RP1: variants seen among roughly 807,000 people sequenced by gnomAD.
RP1 encodes the protein RP1 axonemal microtubule associated, also known as oxygen-regulated protein 1.
RP1 carries 16 observed loss-of-function variants against 14.8 expected under a neutral mutation model. The observed-to-expected ratio is 1.08, with a 90% CI of 0.73 to 1.65. The LOEUF is 1.65. Ranked by LOEUF, RP1 falls within the 40% of genes most tolerant of loss-of-function variation. RP1 has a pLI of 0.00. For synonymous variants in RP1, 876 were observed against 883.6 expected, an observed-to-expected ratio of 0.99 and a Z score of 0.15; for missense variants, 2,631 against 2,535.0, an observed-to-expected ratio of 1.04 and a Z score of -0.81.
Position 54,683,046 on chromosome 8 carries a change from T to G in RP1, c.1717+3113T>G, listed in dbSNP as rs374229459. Among the ~76,000 whole-genome samples the G allele has an allele frequency of 1.3e-3, 202 of 152,330 alleles. 1 individual carries two copies. The highest frequency in any genetic ancestry group is 4.6e-3 in the African/African-American group (193 of 41,584). On this transcript the variant is annotated intron_variant, in intron 12 of 22. Coordinates refer to the RP1 transcript ENST00000636932. Reference sequence around the variant, plus strand: ...AGTCAGTTTTCCCAACACCATTTGTTAAATAGGGAGTCCTTTTCCTATTGC... The same window carrying G: ...AGTCAGTTTTCCCAACACCATTTGTGAAATAGGGAGTCCTTTTCCTATTGC...
intron 1 of RP1, among the ~76,000 whole-genome samples, chr8:54,619,292 G>A (rs1052171870): frequency 6.6e-6 from 1 of 152,138 alleles, no homozygotes; most frequent in Non-Finnish European, 1.5e-5. Context: ...GGAGATATAT[G>A]AAGAATCTTG....
At chr8:54,673,656 T>C (rs1807229756) in intron 7 of RP1, among the ~76,000 whole-genome samples, 1 of 152,078 alleles carries the variant, frequency 6.6e-6, no homozygotes, top group Non-Finnish European at 1.5e-5. Flanking sequence ...AGGAGGATCA[T>C]TTGAGCCCGG....
chr8:54,582,694 A>G (rs1186440752), intron 1 of RP1, among the ~76,000 whole-genome samples: 1 of 152,068 alleles, frequency 6.6e-6, no homozygotes, highest in East Asian at 1.9e-4. Flanking sequence ...AGTGGTTTGT[A>G]GTTCTCCTTG....
chr8:54,819,205 C>A (rs1811200182), intron 24 of RP1, among the ~76,000 whole-genome samples: 1 of 151,920 alleles, frequency 6.6e-6, no homozygotes, highest in Non-Finnish European at 1.5e-5. Flanking sequence ...CCTTCACACT[C>A]ACTAATTCTT....
chr8:54,773,701 T>C (rs907338316), downstream of RP1, among the ~76,000 whole-genome samples: 5 of 152,104 alleles, frequency 3.3e-5, no homozygotes. Context: ...GTAAGAACCT[T>C]GTCCTCAGTC....
At chr8:54,755,706 G>T in exon 21 of RP1, 1 of 1,535,712 alleles carries the variant, frequency 6.5e-7, no homozygotes, top group East Asian at 2.4e-5. Context: ...TTTGGGGAGA[G>T]GGGAGACTCT....
At chr8:54,771,932 C>G (rs561297130), downstream of RP1, among the ~76,000 whole-genome samples, 10 of 152,008 alleles carry the variant, frequency 6.6e-5, no homozygotes, top group African/African-American at 2.2e-4. Flanking sequence ...GTCATTTATG[C>G]CCTTCTATGT....
intron 24 of RP1, among the ~76,000 whole-genome samples, chr8:54,832,095 A>C (rs1333652213): frequency 6.6e-6 from 1 of 151,584 alleles, no homozygotes; most frequent in Non-Finnish European, 1.5e-5. Flanking sequence ...TTTCCTTTTC[A>C]TCAGTTACTA....
intron 28 of RP1, among the ~76,000 whole-genome samples, chr8:54,866,094 C>T (rs746392255): frequency 1.3e-5 from 2 of 152,110 alleles, no homozygotes; most frequent in African/African-American, 2.4e-5. Flanking sequence ...GTAATTCTCT[C>T]TTCTTTTGTA....
rs1422415137 is a variant in RP1, at chr8:54,624,435, C to T, written c.788-235C>T. ...ATTCCAGCCTGGTGACAGAGCGAGACTCTGTCTCAAAAAAAAAAAAAAAAA... is the reference window on the plus strand; with the variant it reads ...ATTCCAGCCTGGTGACAGAGCGAGATTCTGTCTCAAAAAAAAAAAAAAAAA... On this transcript the variant is annotated intron_variant, in intron 3 of 3. Transcript: ENST00000220676. Among the ~76,000 whole-genome samples the T allele has an allele frequency of 9.1e-5, 9 of 98,738 alleles. No individual in the cohort carries two copies. In the Admixed American group the frequency reaches 1.3e-3, roughly 14 times the overall value. 64.8% of individuals were successfully genotyped at this position (98,738 alleles called of 152,430 possible).
At chr8:54,822,389 G>T (rs1811278235) in intron 24 of RP1, among the ~76,000 whole-genome samples, 1 of 152,070 alleles carries the variant, frequency 6.6e-6, no homozygotes, top group Non-Finnish European at 1.5e-5. Flanking sequence ...ATTCAGTATA[G>T]CATAGTTCTT....
chr8:54,853,766 A>AAGAAAGAGAGAAAGAC (rs373102351), intron 26 of RP1, among the ~76,000 whole-genome samples: 1 of 144,334 alleles, frequency 6.9e-6, no homozygotes, highest in Non-Finnish European at 1.5e-5. Flanking sequence ...GAGAGAAAGA[A>AAGAAAGAGAGAAAGAC]AGAGAAAGGA....
intron 24 of RP1, among the ~76,000 whole-genome samples, chr8:54,833,658 A>G (rs1811589801): frequency 6.6e-6 from 1 of 152,078 alleles, no homozygotes; most frequent in Non-Finnish European, 1.5e-5. Flanking sequence ...TTTGTTTTCC[A>G]ATAGAAATCA....
At chr8:54,820,298 A>G (rs1462739542) in intron 24 of RP1, among the ~76,000 whole-genome samples, 3 of 152,008 alleles carry the variant, frequency 2.0e-5, no homozygotes, top group Non-Finnish European at 4.4e-5. Flanking sequence ...CTTGTGTTGC[A>G]CTGGGTTGTA....
chr8:54,638,471 G>C (rs1324027476), intron 3 of RP1, among the ~76,000 whole-genome samples: 4 of 150,650 alleles, frequency 2.7e-5, no homozygotes, highest in Non-Finnish European at 5.9e-5. Flanking sequence ...TTATTCTCAT[G>C]TTTAATGGAT....
At chr8:54,746,943 G>A (rs1809239708) in intron 19 of RP1, among the ~76,000 whole-genome samples, 1 of 152,124 alleles carries the variant, frequency 6.6e-6, no homozygotes, top group Non-Finnish European at 1.5e-5. Flanking sequence ...GATGGTGTCA[G>A]TGTCTACCTA....
intron 7 of RP1, among the ~76,000 whole-genome samples, chr8:54,667,738 C>G (rs432393): frequency 4.0e-5 from 6 of 151,842 alleles, no homozygotes; most frequent in African/African-American, 1.5e-4. Flanking sequence ...CATGGAAGAA[C>G]TGAAAGTCAG....
intron 27 of RP1, among the ~76,000 whole-genome samples, chr8:54,861,402 T>C (rs1049479977): frequency 6.6e-6 from 1 of 152,242 alleles, no homozygotes; most frequent in Admixed American, 6.5e-5. Flanking sequence ...TGCCCTCTTT[T>C]GTGACATGAT....
exon 24 of RP1, chr8:54,783,659 G>C (rs1810244936): frequency 8.1e-7 from 1 of 1,231,322 alleles, no homozygotes; most frequent in East Asian, 3.2e-5. Flanking sequence ...CTATTATTTT[G>C]GGATCTGGGA....
Sources: allele counts gnomAD v4.1 joint callset (sites outside exome capture counted in the v4.1 genomes callset), GRCh38; gene constraint gnomAD v4.1.1; transcripts MANE v1.5; gene names NCBI Gene and HGNC (gene_info 2026-07-23, HGNC 2026-07-21).